Variants in NAV3 observed in about 807,000 individuals in gnomAD.
The protein encoded by NAV3 is neuron navigator 3.
Under a neutral mutation model 244.7 loss-of-function variants are expected in NAV3, and 87 were observed. The ratio of observed to expected loss-of-function variants is 0.36; its 90% CI spans 0.30 to 0.42. The LOEUF is 0.42. Among genes scored for constraint, NAV3 ranks in the 20% least tolerant of loss-of-function variants. The pLI is 1.00. For synonymous variants in NAV3, 1,126 were observed against 1,042.2 expected (o/e 1.08, Z -1.55); for missense variants, 2,663 against 2,893.3 (o/e 0.92, Z 1.83).
In NAV3 at chr12:77,778,343, T is replaced by C. The variant is rs1359206016; in HGVS notation, c.73-161976T>C. On this transcript the variant is annotated intron_variant, in intron 2 of 8. Transcript: ENST00000550042. ...GAATGCATTTATAGGCCGGGCGCGG[T>C]GGCTCACTCCTGTAATCCCAGCACT... is the stretch of plus-strand genomic sequence containing the variant. 2.6e-5 allele frequency among the ~76,000 whole-genome samples: 4 copies of C among 151,326 alleles called. No homozygotes were observed. In the East Asian group the frequency reaches 7.8e-4, roughly 30 times the overall value.
chr12:78,049,892 CCTTTTA>C, intron 9 of NAV3, 95 bp from the exon 10 acceptor site: 3 of 679,908 alleles, frequency 4.4e-6, no homozygotes, highest in South Asian at 3.9e-5. Context: ...TATTACATAT[CCTTTTA>C]CTTTTAAGAA....
chr12:77,875,700 T>C (rs1346426717), intron 1 of NAV3, among the ~76,000 whole-genome samples: 3 of 152,148 alleles, frequency 2.0e-5, no homozygotes, highest in Admixed American at 1.3e-4. Context: ...TAATTGACTG[T>C]ATTTAGCCTA....
At chr12:77,600,949 T>C (rs899587288) in intron 2 of NAV3, among the ~76,000 whole-genome samples, 1 of 151,964 alleles carries the variant, frequency 6.6e-6, no homozygotes, top group African/African-American at 2.4e-5. Context: ...GAAATGTATC[T>C]GTATTAGATA....
intron 12 of NAV3, among the ~76,000 whole-genome samples, chr12:78,076,827 C>T (rs300472): frequency 0.37 from 56,793 of 151,942 alleles, 10,749 homozygotes; most frequent in African/African-American, 0.42. Flanking sequence ...TTGCTACCTG[C>T]TTTTACTTGC....
At chr12:78,093,354 C>G (rs1954062661) in intron 12 of NAV3, among the ~76,000 whole-genome samples, 1 of 152,072 alleles carries the variant, frequency 6.6e-6, no homozygotes. Context: ...TTTTACTTAC[C>G]TTTCTGTAAT....
At chr12:78,159,334 C>CAT (rs374624771) in intron 23 of NAV3, 48 bp downstream of exon 23, 7 of 1,456,462 alleles carry the variant, frequency 4.8e-6, no homozygotes, top group African/African-American at 2.8e-5. Context: ...CAGCAAATTG[C>CAT]ATAGGATTCT....
At chr12:77,599,221 A>G (rs1870309766) in intron 2 of NAV3, among the ~76,000 whole-genome samples, 1 of 151,984 alleles carries the variant, frequency 6.6e-6, no homozygotes, top group African/African-American at 2.4e-5. Flanking sequence ...AATGCTGCAC[A>G]ATATTCAATA....
chr12:78,154,916 A>G (rs1306134024), intron 22 of NAV3, among the ~76,000 whole-genome samples: 2 of 151,922 alleles, frequency 1.3e-5, no homozygotes, highest in Admixed American at 6.6e-5. Context: ...CTCCTTTTCC[A>G]TTTACCCTAT....
chr12:78,110,382 A>G (rs572411053), intron 12 of NAV3, among the ~76,000 whole-genome samples: 9 of 152,224 alleles, frequency 5.9e-5, no homozygotes, highest in East Asian at 1.9e-4. Flanking sequence ...TCCACATTCA[A>G]TGCAATTTCT....
At chr12:77,947,096 T>C (rs1054839166) in intron 3 of NAV3, among the ~76,000 whole-genome samples, 5 of 152,122 alleles carry the variant, frequency 3.3e-5, no homozygotes, top group African/African-American at 1.2e-4. Context: ...GTTTACAATT[T>C]GCTGATATGA....
chr12:77,788,598 G>A (rs1342855662), intron 2 of NAV3, among the ~76,000 whole-genome samples: 1 of 149,586 alleles, frequency 6.7e-6, no homozygotes, highest in African/African-American at 2.5e-5. Context: ...ACTCTTAAAA[G>A]CATTTGGTGC....
intron 5 of NAV3, among the ~76,000 whole-genome samples, chr12:77,993,033 A>G (rs1396684046): frequency 2.6e-5 from 4 of 152,218 alleles, no homozygotes; most frequent in Non-Finnish European, 5.9e-5. Context: ...AAAGTACAGT[A>G]TCCTTATATA....
At chr12:77,622,908 C>T (rs1460223177) in intron 2 of NAV3, among the ~76,000 whole-genome samples, 2 of 152,270 alleles carry the variant, frequency 1.3e-5, no homozygotes, top group African/African-American at 4.8e-5. Flanking sequence ...CTGTTGTCAT[C>T]TAGATTGGTG....
intron 1 of NAV3, among the ~76,000 whole-genome samples, chr12:77,837,733 A>G (rs190995123): frequency 6.6e-6 from 1 of 152,314 alleles, no homozygotes; most frequent in East Asian, 1.9e-4. Context: ...CTTAATTAAT[A>G]GTAGGGTTTG....
At chr12:77,925,039 C>T (rs1444459040) in intron 1 of NAV3, among the ~76,000 whole-genome samples, 2 of 151,978 alleles carry the variant, frequency 1.3e-5, no homozygotes, top group Admixed American at 6.6e-5. Context: ...TCCATACTTT[C>T]CACTTCTGAA....
chr12:77,581,247 T>C (rs2136677366), intron 2 of NAV3, among the ~76,000 whole-genome samples: 1 of 152,320 alleles, frequency 6.6e-6, no homozygotes, highest in Non-Finnish European at 1.5e-5. Flanking sequence ...AAGTATTTTA[T>C]ATATTCAATC....
chr12:77,630,902 G>A (rs753101374), intron 2 of NAV3, among the ~76,000 whole-genome samples: 8 of 152,146 alleles, frequency 5.3e-5, no homozygotes, highest in Non-Finnish European at 1.0e-4. Context: ...TAGAGTACAA[G>A]AGCAGAAATA....
chr12:77,945,778 C>T (rs1215063404), intron 3 of NAV3, among the ~76,000 whole-genome samples: 4 of 151,860 alleles, frequency 2.6e-5, no homozygotes, highest in African/African-American at 4.8e-5. Context: ...GACGAAGTCT[C>T]GCTGTGTCGC....
chr12:77,837,547 T>A (rs935815491), intron 1 of NAV3, among the ~76,000 whole-genome samples: 1 of 152,160 alleles, frequency 6.6e-6, no homozygotes, highest in Non-Finnish European at 1.5e-5. Flanking sequence ...ATGGAGAAAC[T>A]GCAGCTTAGA....
Sources: gnomAD v4.1 joint callset for allele counts (sites outside exome capture counted in the v4.1 genomes callset) on GRCh38, gnomAD v4.1.1 for gene constraint, MANE v1.5 for transcripts, NCBI Gene and HGNC (gene_info 2026-07-23, HGNC 2026-07-21) for gene names.